SUCLA2: variants seen among roughly 807,000 people sequenced by gnomAD.
SUCLA2 encodes the protein succinate-CoA ligase ADP-forming subunit beta.
In SUCLA2, 30 loss-of-function variants were observed where a neutral mutation model predicts 54.8. The observed-to-expected ratio is 0.55, with a 90% confidence interval of 0.41 to 0.74. SUCLA2 has a LOEUF of 0.74. Ranked by LOEUF, SUCLA2 falls within the 30% of genes least tolerant of loss-of-function variation. The pLI is 0.00. For synonymous variants in SUCLA2, 172 were observed against 188.9 expected (o/e 0.91, Z 0.74); for missense variants, 476 against 562.9 (o/e 0.85, Z 1.56).
rs1347540579 is a variant in SUCLA2, at chr13:47,973,339, AG to A, written c.587del (p.Ala196ValfsTer8). On this transcript the variant is annotated frameshift_variant, in exon 5 of 11. Coordinates refer to ENST00000646932, the MANE Select transcript of SUCLA2 (RefSeq NM_003850.3). LOFTEE classifies it high-confidence loss of function. ...TAATTATTGCTTCAGGAGACTCAGC[AG>A]CAACATCTTCAATGTTGACACCACC... is the stretch of plus-strand genomic sequence containing the variant. ...SHGGVNIEDV[A>X]AESPEAIIKE... 3.1e-6 allele frequency: 5 copies of A among 1,613,602 alleles called. No homozygotes were observed. The highest frequency in any genetic ancestry group is 4.2e-6 in the Non-Finnish European group (5 of 1,179,702).
intron 8 of SUCLA2, among the ~76,000 whole-genome samples, chr13:47,951,989 T>TA (rs11404279): frequency 0.091 from 11,966 of 130,938 alleles, 603 homozygotes; most frequent in Admixed American, 0.16. Flanking sequence ...CATGCCTTTG[T>TA]AAAAAAAAAA....
At chr13:47,992,388 C>CAAA (rs35103136) in intron 2 of SUCLA2, among the ~76,000 whole-genome samples, 2 of 93,084 alleles carry the variant, frequency 2.1e-5, no homozygotes, top group Admixed American at 1.3e-4. Context: ...ACAACGAAAG[C>CAAA]AAAAAAAAAA....
intron 4 of SUCLA2, among the ~76,000 whole-genome samples, chr13:47,978,336 G>A (rs888059272): frequency 6.6e-6 from 1 of 152,178 alleles, no homozygotes; most frequent in African/African-American, 2.4e-5. Context: ...CAGTGGAACA[G>A]AACAGAGGCC....
At chr13:47,974,962 C>T (rs939180728) in intron 4 of SUCLA2, among the ~76,000 whole-genome samples, 6 of 151,826 alleles carry the variant, frequency 4.0e-5, no homozygotes, top group African/African-American at 7.3e-5. Context: ...ACATAAAGTG[C>T]GTTTCAAGTG....
At chr13:47,949,637 AAAAGAAATTT>A (rs1165929459) in intron 8 of SUCLA2, 34 bp from the exon 9 acceptor site, 1 of 1,609,388 alleles carries the variant, frequency 6.2e-7, no homozygotes, top group South Asian at 1.1e-5. Context: ...ATTAAAATTT[AAAAGAAATTT>A]AAGTTCTTTT....
chr13:47,971,485 T>C (rs1395566119), intron 5 of SUCLA2: 8 of 177,092 alleles, frequency 4.5e-5, no homozygotes, highest in African/African-American at 1.9e-4. Flanking sequence ...TTTAATTCGA[T>C]AGCAGCATTA....
At chr13:47,956,193 T>C (rs1406102468) in intron 6 of SUCLA2, among the ~76,000 whole-genome samples, 3 of 152,128 alleles carry the variant, frequency 2.0e-5, no homozygotes, top group African/African-American at 7.2e-5. Flanking sequence ...ATGGTCATAA[T>C]AAATGAACAC....
At chr13:47,972,059 T>C (rs1949970942) in intron 5 of SUCLA2, 1 of 387,484 alleles carries the variant, frequency 2.6e-6, no homozygotes, top group Admixed American at 4.5e-5. Context: ...AAGACCAGCA[T>C]GGCCAACATA....
At chr13:47,985,396 C>T (rs893056353) in intron 4 of SUCLA2, among the ~76,000 whole-genome samples, 2 of 151,920 alleles carry the variant, frequency 1.3e-5, no homozygotes, top group Non-Finnish European at 2.9e-5. Context: ...CCTCCACCCC[C>T]ACCCCGACAG....
At chr13:47,971,095 C>T (rs551039491) in intron 5 of SUCLA2, among the ~76,000 whole-genome samples, 3 of 151,790 alleles carry the variant, frequency 2.0e-5, no homozygotes, top group African/African-American at 7.2e-5. Flanking sequence ...ACTTCGAAGT[C>T]CAATATTCAA....
intron 8 of SUCLA2, among the ~76,000 whole-genome samples, chr13:47,952,904 A>AT (rs1161786550): frequency 1.3e-5 from 2 of 151,920 alleles, no homozygotes; most frequent in Non-Finnish European, 1.5e-5. Context: ...GTCTTTGTAC[A>AT]TTTTCTTCCT....
At chr13:47,991,700 C>T (rs1246954687) in intron 2 of SUCLA2, 1 of 152,158 alleles carries the variant, frequency 6.6e-6, no homozygotes, top group Non-Finnish European at 1.5e-5. Flanking sequence ...AAAAAAGGAA[C>T]ATTTAAAAAT....
intron 4 of SUCLA2, among the ~76,000 whole-genome samples, chr13:47,985,483 C>T (rs139785769): frequency 2.1e-3 from 317 of 151,314 alleles, no homozygotes; most frequent in African/African-American, 7.2e-3. Flanking sequence ...TGAAAACACA[C>T]GGTGTTTGGT....
intron 4 of SUCLA2, among the ~76,000 whole-genome samples, chr13:47,985,220 A>C (rs1474702579): frequency 6.6e-6 from 1 of 152,100 alleles, no homozygotes; most frequent in Non-Finnish European, 1.5e-5. Flanking sequence ...TGCTTTGCTT[A>C]TTCTTTTTTT....
chr13:47,988,348 T>C (rs756486927), intron 4 of SUCLA2, 193 bp downstream of exon 4: 4 of 612,954 alleles, frequency 6.5e-6, no homozygotes, highest in East Asian at 2.9e-5. Flanking sequence ...TTTAAGATCA[T>C]GATATTATAT....
intron 2 of SUCLA2, chr13:47,994,997 C>G (rs1950179531): frequency 3.0e-6 from 1 of 332,810 alleles, no homozygotes; most frequent in African/African-American, 2.2e-5. Context: ...ATTATTTTTT[C>G]TGACAAAACA....
chr13:47,996,254 C>A (rs1399427555), intron 2 of SUCLA2, among the ~76,000 whole-genome samples: 1 of 146,416 alleles, frequency 6.8e-6, no homozygotes, highest in African/African-American at 2.5e-5. Flanking sequence ...ACCCGGGAAG[C>A]GGAGGTTGCA....
At chr13:47,995,205 G>T (rs1950181768) in intron 2 of SUCLA2, among the ~76,000 whole-genome samples, 1 of 151,598 alleles carries the variant, frequency 6.6e-6, no homozygotes, top group Admixed American at 6.6e-5. Context: ...ATTTTTTTTT[G>T]GAATTTTAAA....
At chr13:47,953,346 G>A (rs887532357) in intron 8 of SUCLA2, among the ~76,000 whole-genome samples, 7 of 152,096 alleles carry the variant, frequency 4.6e-5, no homozygotes, top group African/African-American at 1.7e-4. Flanking sequence ...TAATTAGATT[G>A]TCTTTAATAC....
Sources: allele counts gnomAD v4.1 joint callset (sites outside exome capture counted in the v4.1 genomes callset), GRCh38; gene constraint gnomAD v4.1.1; transcripts MANE v1.5; gene names NCBI Gene and HGNC (gene_info 2026-07-23, HGNC 2026-07-21).